The following SLC8A1 variants were observed in gnomAD, a reference collection of about 807,000 sequenced individuals.
SLC8A1 encodes the protein solute carrier family 8 member A1, also known as sodium/calcium exchanger 1.
In SLC8A1, 18 loss-of-function variants were observed where a neutral mutation model predicts 68.3. The ratio of observed to expected loss-of-function variants is 0.26; its 90% confidence interval spans 0.18 to 0.39. The LOEUF is 0.39. Among genes scored for constraint, SLC8A1 ranks in the 10% least tolerant of loss-of-function variants. SLC8A1 has a pLI of 1.00. For missense variants in SLC8A1, 985 were observed against 1,156.7 expected (o/e 0.85, Z 2.15); for synonymous variants, 475 against 415.5 (o/e 1.14, Z -1.74).
intron 2 of SLC8A1, among the ~76,000 whole-genome samples, chr2:40,278,799 C>A (rs2067119402): frequency 6.6e-6 from 1 of 152,152 alleles, no homozygotes; most frequent in African/African-American, 2.4e-5. Context: ...AAACAGAAAC[C>A]CCCACTTGAC....
At chr2:40,284,314 G>T (rs2067947194) in intron 2 of SLC8A1, among the ~76,000 whole-genome samples, 1 of 147,578 alleles carries the variant, frequency 6.8e-6, no homozygotes, top group East Asian at 2.0e-4. Context: ...AAATGTTATA[G>T]ATATTGACAT....
intron 2 of SLC8A1, among the ~76,000 whole-genome samples, chr2:40,328,461 C>A (rs1209465301): frequency 1.3e-5 from 2 of 152,020 alleles, no homozygotes; most frequent in Non-Finnish European, 2.9e-5. Flanking sequence ...AGTTCTCCTG[C>A]AGTTTTCTCC....
intron 7 of SLC8A1, among the ~76,000 whole-genome samples, chr2:40,116,444 C>T (rs933597675): frequency 2.6e-5 from 4 of 152,104 alleles, no homozygotes; most frequent in Non-Finnish European, 5.9e-5. Flanking sequence ...GGTATATCTC[C>T]CAGTGCTATC....
chr2:40,333,724 A>T (rs146664335), intron 2 of SLC8A1, among the ~76,000 whole-genome samples: 1 of 152,046 alleles, frequency 6.6e-6, no homozygotes, highest in African/African-American at 2.4e-5. Context: ...CTTGTCCCCT[A>T]TTAGTTTGGA....
intron 4 of SLC8A1, among the ~76,000 whole-genome samples, chr2:40,168,884 A>T (rs1244551227): frequency 1.3e-5 from 2 of 152,244 alleles, no homozygotes; most frequent in East Asian, 1.9e-4. Context: ...ATAACATCAT[A>T]GTCTTAACCA....
At chr2:40,187,714 A>C (rs1289877715) in intron 2 of SLC8A1, among the ~76,000 whole-genome samples, 1 of 152,218 alleles carries the variant, frequency 6.6e-6, no homozygotes, top group Non-Finnish European at 1.5e-5. Context: ...TCCCTAGAAG[A>C]CATTCTGGTT....
chr2:40,395,383 G>A (rs149396905), intron 2 of SLC8A1, among the ~76,000 whole-genome samples: 61 of 152,220 alleles, frequency 4.0e-4, no homozygotes, highest in Non-Finnish European at 5.0e-4. Context: ...CTAGAACTGT[G>A]TGCAGGCCCC....
intron 2 of SLC8A1, among the ~76,000 whole-genome samples, chr2:40,249,179 AT>A (rs2062347244): frequency 2.0e-5 from 3 of 152,164 alleles, no homozygotes. Flanking sequence ...AGAACAAAAA[AT>A]GTTTGATGTT....
rs1156490475 is a variant in SLC8A1 at position 40,294,702 on chromosome 2, T to C, written c.1809-116847A>G. Among the ~76,000 whole-genome samples the C allele has an allele frequency of 3.3e-5, 5 of 152,220 alleles. No homozygotes were observed. The East Asian group carries it at 9.6e-4, about 29-fold the overall frequency. ...AAAAAACATCTCAATCATTTTAATT[T>C]TATATCCTTAAATGTTAAAAAGTTA... is the stretch of plus-strand genomic sequence containing the variant. On this transcript the variant is annotated intron_variant, in intron 2 of 7. Coordinates refer to ENST00000406785, the Ensembl canonical transcript of SLC8A1.
rs1230967030 is a variant in SLC8A1 at position 40,276,041 on chromosome 2, G to C, written c.1809-98186C>G. On this transcript the variant is annotated intron_variant, in intron 2 of 7. Coordinates refer to ENST00000406785, the Ensembl canonical transcript of SLC8A1. ...TCTAACTTTCAAAAAGTGGTATGCA[G>C]CTACTTGTAAAAATGAAACATGTGA... is the stretch of plus-strand genomic sequence containing the variant. 3.3e-5 allele frequency among the ~76,000 whole-genome samples: 5 copies of C among 152,190 alleles called. No individual in the cohort carries two copies. The East Asian group carries it at 9.7e-4, about 29-fold the overall frequency.
upstream of SLC8A1, chr2:40,453,113 T>C (rs2149884082): frequency 6.6e-6 from 1 of 152,304 alleles, no homozygotes; most frequent in East Asian, 1.9e-4. Context: ...AGGCTAGACC[T>C]ACTGTGGAGT....
chr2:40,376,059 A>G (rs1256840759), intron 2 of SLC8A1, among the ~76,000 whole-genome samples: 1 of 152,138 alleles, frequency 6.6e-6, no homozygotes, highest in Non-Finnish European at 1.5e-5. Flanking sequence ...TTTCAACAGT[A>G]TATTTAGAAT....
At chr2:40,505,648 G>T (rs1048391801) in intron 1 of SLC8A1, among the ~76,000 whole-genome samples, 2 of 151,840 alleles carry the variant, frequency 1.3e-5, no homozygotes, top group African/African-American at 4.8e-5. Flanking sequence ...AGTCAAAGGG[G>T]AGCAGTTGAT....
At chr2:40,270,552 C>G (rs1388341824) in intron 2 of SLC8A1, among the ~76,000 whole-genome samples, 1 of 152,234 alleles carries the variant, frequency 6.6e-6, no homozygotes, top group Non-Finnish European at 1.5e-5. Flanking sequence ...TTGCATCTCT[C>G]TGACTGTCCT....
At chr2:40,259,956 C>G (rs1038701691) in intron 2 of SLC8A1, among the ~76,000 whole-genome samples, 4 of 152,152 alleles carry the variant, frequency 2.6e-5, no homozygotes, top group African/African-American at 4.8e-5. Flanking sequence ...AACCATCTTT[C>G]TGACCAAAAT....
At chr2:40,278,400 C>G (rs930943436) in intron 2 of SLC8A1, among the ~76,000 whole-genome samples, 6 of 152,072 alleles carry the variant, frequency 3.9e-5, no homozygotes, top group African/African-American at 1.4e-4. Flanking sequence ...ACCTGGGAAG[C>G]GGAGGTGGCA....
rs562069320 is a variant in SLC8A1 at position 40,432,405 on chromosome 2, G to GTGTGTGTGTGTGTGTGTT, written c.-24-2102_-24-2101insAACACACACACACACACA. ...GAGGACAAGGAGAGTGTGAGATTGTGTGTGTGTGTGTGTGTGTGTATGTGT... is the reference window on the plus strand; with the variant it reads ...GAGGACAAGGAGAGTGTGAGATTGTGTGTGTGTGTGTGTGTGTTTGTGTGTGTGTGTGTGTGTATGTGT... On this transcript the variant is annotated intron_variant, in intron 1 of 7. Transcript: ENST00000406785. 6.2e-4 allele frequency among the ~76,000 whole-genome samples: 89 copies of GTGTGTGTGTGTGTGTGTT among 143,042 alleles called. No individual in the cohort carries two copies. In the East Asian group the frequency reaches 0.012, roughly 20 times the overall value. The allele number at this position is 143,042 out of a possible 152,430, so 93.8% of individuals were successfully genotyped here. A position where few individuals can be genotyped will look rare whatever the true frequency, so the allele number is the denominator to read the frequency against.
chr2:40,388,188 G>C (rs1180945627), intron 2 of SLC8A1, among the ~76,000 whole-genome samples: 4 of 152,062 alleles, frequency 2.6e-5, no homozygotes, highest in African/African-American at 4.8e-5. Context: ...TTAGGGATTA[G>C]GGCAGAACAT....
intron 2 of SLC8A1, among the ~76,000 whole-genome samples, chr2:40,269,607 G>A (rs984062833): frequency 6.6e-6 from 1 of 152,110 alleles, no homozygotes; most frequent in Non-Finnish European, 1.5e-5. Flanking sequence ...AAAGCAAGAA[G>A]AGGATATATT....
Sources: allele counts gnomAD v4.1 joint callset (sites outside exome capture counted in the v4.1 genomes callset), GRCh38; gene constraint gnomAD v4.1.1; transcripts MANE v1.5; gene names NCBI Gene and HGNC (gene_info 2026-07-23, HGNC 2026-07-21).